The following DRICH1 variants were observed in gnomAD, a reference collection of about 807,000 sequenced individuals.
DRICH1 encodes aspartate rich 1.
Under a neutral mutation model 39.5 loss-of-function variants are expected in DRICH1, and 38 were observed. That is an observed-to-expected ratio of 0.96 (90% CI 0.74 to 1.26). DRICH1 has a LOEUF of 1.26. Among genes scored for constraint, DRICH1 ranks in the 50% most tolerant of loss-of-function variants. The pLI is 0.00. For synonymous variants in DRICH1, 84 were observed against 99.5 expected (o/e 0.84, Z 0.93); for missense variants, 279 against 270.4 (o/e 1.03, Z -0.22).
chr22:23,613,809 G>A (rs989008286), intron 9 of DRICH1, 149 bp from the exon 10 acceptor site: 2 of 628,872 alleles, frequency 3.2e-6, no homozygotes, highest in African/African-American at 1.9e-5. Context: ...TAGCACAGAG[G>A]ATAGCTATAG....
At chr22:23,608,904 AGATGCG>A in intron 11 of DRICH1, 136 bp from the exon 12 acceptor site, 2 of 953,676 alleles carry the variant, frequency 2.1e-6, no homozygotes, top group Non-Finnish European at 3.3e-6. Context: ...GAGAAATTAC[AGATGCG>A]GAAACTCATC....
At chr22:23,612,443 GGTGAC>G (rs1569087423) in intron 11 of DRICH1, among the ~76,000 whole-genome samples, 1 of 146,292 alleles carries the variant, frequency 6.8e-6, no homozygotes, top group Non-Finnish European at 1.5e-5. Context: ...CTCCAGCCTG[GGTGAC>G]AGAGCGAGAC....
chr22:23,582,743 T>C, the DRICH1 span, among the ~76,000 whole-genome samples: 1 of 151,978 alleles, frequency 6.6e-6, no homozygotes, highest in East Asian at 1.9e-4. Flanking sequence ...GTGTTTCTAG[T>C]AGAGACGGGG....
At chr22:23,632,389 ACAGC>A (rs1921012494), upstream of DRICH1, 1 of 302,166 alleles carries the variant, frequency 3.3e-6, no homozygotes, top group Non-Finnish European at 6.4e-6. Flanking sequence ...TTACCAGGAA[ACAGC>A]CAGGTCAGGC....
At chr22:23,582,539 G>C in the DRICH1 span, among the ~76,000 whole-genome samples, 1 of 115,102 alleles carries the variant, frequency 8.7e-6, no homozygotes, top group South Asian at 2.9e-4. Flanking sequence ...TGCTGCATGT[G>C]TAATACCTTC....
chr22:23,595,885 C>T, the DRICH1 span, among the ~76,000 whole-genome samples: 1 of 152,110 alleles, frequency 6.6e-6, no homozygotes, highest in Non-Finnish European at 1.5e-5. Flanking sequence ...ACAGGAAGAC[C>T]CTAGGACTCT....
At chr22:23,606,997 G>C (rs1189262995), downstream of DRICH1, 2 of 153,012 alleles carry the variant, frequency 1.3e-5, no homozygotes, top group Middle Eastern at 3.3e-3. Flanking sequence ...CAGCATGGGA[G>C]GGGGTGTGGC....
intron 4 of DRICH1, 100 bp from the exon 5 acceptor site, chr22:23,620,715 G>T: frequency 7.2e-7 from 1 of 1,390,730 alleles, no homozygotes; most frequent in Non-Finnish European, 1.0e-6. Flanking sequence ...AAAACTAGTT[G>T]TGAAACTGTT....
chr22:23,616,224 C>T (rs184477853), intron 8 of DRICH1, among the ~76,000 whole-genome samples: 354 of 152,282 alleles, frequency 2.3e-3, no homozygotes, highest in African/African-American at 7.6e-3. Context: ...CTGCCTGTGA[C>T]AGAACTCTGT....
the DRICH1 span, among the ~76,000 whole-genome samples, chr22:23,586,405 T>C: frequency 3.3e-3 from 507 of 152,164 alleles, 6 homozygotes; most frequent in African/African-American, 0.012. Context: ...GGGAGGATCA[T>C]CTGAGCCCAG....
intron 1 of DRICH1, among the ~76,000 whole-genome samples, chr22:23,631,182 G>A (rs925350473): frequency 2.6e-5 from 4 of 152,086 alleles, no homozygotes; most frequent in African/African-American, 9.7e-5. Flanking sequence ...CACTTTGGGA[G>A]GCCGAGGCGG....
At chr22:23,620,503 A>G (rs1927654584) in intron 5 of DRICH1, 91 bp downstream of exon 5, 1 of 1,418,600 alleles carries the variant, frequency 7.0e-7, no homozygotes. Flanking sequence ...CCACACCCCC[A>G]ATATTTTTAA....
At chr22:23,621,213 C>T (rs146153227) in intron 4 of DRICH1, among the ~76,000 whole-genome samples, 2 of 151,982 alleles carry the variant, frequency 1.3e-5, no homozygotes, top group East Asian at 3.9e-4. Flanking sequence ...TTGTTGGGCC[C>T]CCTCTCCTCC....
At chr22:23,623,334 GGCAGAGGTAGAAGTGA>G (rs1403826165) in intron 3 of DRICH1, among the ~76,000 whole-genome samples, 1 of 152,128 alleles carries the variant, frequency 6.6e-6, no homozygotes. Flanking sequence ...GCACCCAGGA[GGCAGAGGTAGAAGTGA>G]GCAGAGATCA....
At chr22:23,609,841 T>C (rs1255065729) in intron 11 of DRICH1, among the ~76,000 whole-genome samples, 1 of 152,142 alleles carries the variant, frequency 6.6e-6, no homozygotes, top group Non-Finnish European at 1.5e-5. Flanking sequence ...GCTGCAACCT[T>C]TTCTCCAAGC....
intron 1 of DRICH1, among the ~76,000 whole-genome samples, chr22:23,631,285 A>G (rs1928368640): frequency 1.3e-5 from 2 of 151,984 alleles, no homozygotes; most frequent in South Asian, 2.1e-4. Flanking sequence ...CGGGCGTGGT[A>G]GTGGGCACCT....
At chr22:23,585,197 G>A in the DRICH1 span, among the ~76,000 whole-genome samples, 3 of 152,098 alleles carry the variant, frequency 2.0e-5, no homozygotes, top group East Asian at 5.8e-4. Context: ...GAGTGCAGTG[G>A]TGCAATCAGG....
At chr22:23,590,320 C>T in the DRICH1 span, among the ~76,000 whole-genome samples, 1 of 151,178 alleles carries the variant, frequency 6.6e-6, no homozygotes, top group African/African-American at 2.4e-5. Flanking sequence ...CTCACCCACC[C>T]TGGCTGAAGT....
chr22:23,628,663 G>A (rs1928215304), intron 1 of DRICH1, among the ~76,000 whole-genome samples: 1 of 152,158 alleles, frequency 6.6e-6, no homozygotes, highest in African/African-American at 2.4e-5. Context: ...TTCCATAAGA[G>A]GTGAAAAAGA....
Sources: gnomAD v4.1 joint callset for allele counts (sites outside exome capture counted in the v4.1 genomes callset) on GRCh38, gnomAD v4.1.1 for gene constraint, MANE v1.5 for transcripts, NCBI Gene and HGNC (gene_info 2026-07-23, HGNC 2026-07-21) for gene names.